Variants in WDR41 observed in about 807,000 individuals in gnomAD.
The protein encoded by WDR41 is WD repeat-containing protein 41.
Under a neutral mutation model 69.3 loss-of-function variants are expected in WDR41, and 63 were observed. The observed-to-expected ratio is 0.91, with a 90% CI of 0.74 to 1.12. WDR41 has a LOEUF of 1.12. WDR41 is among the 50% of genes most tolerant of loss of function. The pLI, the probability that WDR41 is intolerant of heterozygous loss-of-function variation, is 0.00. For missense variants in WDR41, 543 were observed against 534.5 expected (o/e 1.02, Z -0.16); for synonymous variants, 185 against 192.1 (o/e 0.96, Z 0.31).
rs114924057 is a variant in WDR41, at chr5:77,578,081, G to A, written c.42+42398C>T. On this transcript the variant is annotated intron_variant, in intron 1 of 5. Transcript: ENST00000509971. ...GTATCATATTGCAAATCGCTAACCC[G>A]AAAAAAGATCAAAATTCAAAATGCA... Among the ~76,000 whole-genome samples, 758 of 152,090 alleles carry A rather than the reference G, an allele frequency of 5.0e-3. 2 individuals carry two copies. The highest frequency in any genetic ancestry group is 0.018 in the African/African-American group (728 of 41,490).
intron 1 of WDR41, among the ~76,000 whole-genome samples, chr5:77,531,418 T>G (rs1319215238): frequency 6.6e-6 from 1 of 151,878 alleles, no homozygotes; most frequent in Non-Finnish European, 1.5e-5. Context: ...CTCAACATCA[T>G]TAGTGAAACA....
chr5:77,454,837 G>A (rs79766576), intron 5 of WDR41, among the ~76,000 whole-genome samples: 2,430 of 152,262 alleles, frequency 0.016, 64 homozygotes, highest in African/African-American at 0.053. Context: ...AATTTTTAAT[G>A]CCAGTGTTTC....
intron 2 of WDR41, among the ~76,000 whole-genome samples, chr5:77,483,649 C>T (rs551371527): frequency 1.3e-5 from 2 of 152,238 alleles, no homozygotes; most frequent in Admixed American, 6.5e-5. Flanking sequence ...CTCCTCTACA[C>T]ATTAGAGGTT....
chr5:77,586,907 A>G (rs1744050273), intron 1 of WDR41, among the ~76,000 whole-genome samples: 1 of 150,116 alleles, frequency 6.7e-6, no homozygotes, highest in Non-Finnish European at 1.5e-5. Flanking sequence ...TTTAATAGAG[A>G]TGGGGTTTCA....
chr5:77,470,659 A>T (rs1466524412), intron 2 of WDR41, among the ~76,000 whole-genome samples: 2 of 152,192 alleles, frequency 1.3e-5, no homozygotes, highest in Non-Finnish European at 2.9e-5. Flanking sequence ...CTTTAAACCA[A>T]CAAAGATCAA....
At chr5:77,561,085 C>T (rs188714308) in intron 1 of WDR41, among the ~76,000 whole-genome samples, 2 of 152,192 alleles carry the variant, frequency 1.3e-5, no homozygotes, top group East Asian at 3.9e-4. Context: ...TTCTCTGTAT[C>T]CATTGTTTTG....
intron 2 of WDR41, among the ~76,000 whole-genome samples, chr5:77,472,792 C>A (rs980426163): frequency 6.6e-6 from 1 of 151,986 alleles, no homozygotes; most frequent in Non-Finnish European, 1.5e-5. Flanking sequence ...AATGGAAGAA[C>A]ATTCCATGCT....
At chr5:77,534,329 T>A (rs1032693722) in intron 1 of WDR41, among the ~76,000 whole-genome samples, 6 of 141,084 alleles carry the variant, frequency 4.3e-5, no homozygotes, top group South Asian at 2.2e-4. Flanking sequence ...CACCACTATA[T>A]GTGGGGGGCG....
intron 1 of WDR41, among the ~76,000 whole-genome samples, chr5:77,511,624 T>C (rs1057230544): frequency 1.3e-5 from 2 of 152,180 alleles, no homozygotes; most frequent in Non-Finnish European, 2.9e-5. Context: ...GAGCAATGTT[T>C]AACAATAGGA....
intron 1 of WDR41, among the ~76,000 whole-genome samples, chr5:77,515,423 T>C (rs1432537193): frequency 1.3e-5 from 2 of 152,202 alleles, no homozygotes; most frequent in South Asian, 2.1e-4. Context: ...TCATCTATTA[T>C]GACAACAATG....
At chr5:77,613,300 A>C (rs956899579) in intron 1 of WDR41, among the ~76,000 whole-genome samples, 12 of 152,166 alleles carry the variant, frequency 7.9e-5, no homozygotes, top group Admixed American at 3.3e-4. Flanking sequence ...ACTACTTTAA[A>C]GTTCATATGG....
chr5:77,452,383 C>G (rs573298812), intron 6 of WDR41: 24 of 152,218 alleles, frequency 1.6e-4, no homozygotes, highest in African/African-American at 5.5e-4. Context: ...ACTAGAAGCC[C>G]AACAATCCAG....
intron 1 of WDR41, among the ~76,000 whole-genome samples, chr5:77,611,796 C>A (rs1455053195): frequency 5.3e-5 from 8 of 151,340 alleles, no homozygotes; most frequent in Non-Finnish European, 1.0e-4. Flanking sequence ...AAAATCAGAG[C>A]AGAACTGAAG....
chr5:77,477,624 A>G (rs1337198591), intron 2 of WDR41, among the ~76,000 whole-genome samples: 1 of 86,400 alleles, frequency 1.2e-5, no homozygotes, highest in East Asian at 3.2e-4. Context: ...CTTTGAAACC[A>G]ACGAGAACAA....
intron 1 of WDR41, among the ~76,000 whole-genome samples, chr5:77,527,319 C>A (rs1477344998): frequency 6.6e-6 from 1 of 151,750 alleles, no homozygotes; most frequent in South Asian, 2.1e-4. Context: ...ATGCAAACAT[C>A]TACAAAGAGG....
intron 1 of WDR41, among the ~76,000 whole-genome samples, chr5:77,572,560 T>A (rs1490119575): frequency 6.6e-6 from 1 of 152,210 alleles, no homozygotes; most frequent in African/African-American, 2.4e-5. Flanking sequence ...CATTTCCCAA[T>A]GACAATTTTT....
chr5:77,512,890 A>C (rs1802231908), intron 1 of WDR41, among the ~76,000 whole-genome samples: 1 of 152,132 alleles, frequency 6.6e-6, no homozygotes, highest in Non-Finnish European at 1.5e-5. Flanking sequence ...TTCTTCTTAC[A>C]AGTTAAACCC....
At chr5:77,476,284 C>A (rs1800927201) in intron 2 of WDR41, among the ~76,000 whole-genome samples, 1 of 151,760 alleles carries the variant, frequency 6.6e-6, no homozygotes, top group Non-Finnish European at 1.5e-5. Flanking sequence ...CCCAATCTAG[C>A]AAGGCAGGCC....
At chr5:77,478,710 G>A (rs922210900) in intron 2 of WDR41, among the ~76,000 whole-genome samples, 1 of 151,720 alleles carries the variant, frequency 6.6e-6, no homozygotes, top group Non-Finnish European at 1.5e-5. Flanking sequence ...CAAACCCACA[G>A]CCAATATCAT....
Sources: gnomAD v4.1 joint callset for allele counts (sites outside exome capture counted in the v4.1 genomes callset) on GRCh38, gnomAD v4.1.1 for gene constraint, MANE v1.5 for transcripts, NCBI Gene and HGNC (gene_info 2026-07-23, HGNC 2026-07-21) for gene names.